STK32A: variants seen among roughly 807,000 people sequenced by gnomAD.
STK32A encodes serine/threonine-protein kinase 32A.
STK32A carries 41 observed loss-of-function variants against 53.2 expected under a neutral mutation model. The ratio of observed to expected loss-of-function variants is 0.77; its 90% CI spans 0.60 to 1.00. STK32A has a LOEUF of 1.00. STK32A is among the 50% of genes least tolerant of loss of function. The pLI is 0.00. For synonymous variants in STK32A, 166 were observed against 162.8 expected (o/e 1.02, Z -0.15); for missense variants, 458 against 485.8 (o/e 0.94, Z 0.54).
intron 6 of STK32A, among the ~76,000 whole-genome samples, chr5:147,348,089 A>C (rs1398863403): frequency 6.6e-6 from 1 of 152,188 alleles, no homozygotes; most frequent in Non-Finnish European, 1.5e-5. Flanking sequence ...AGTCTGACAA[A>C]GGGATTCTAG....
In STK32A at chr5:147,375,140, G is replaced by A. The variant is rs564690793; in HGVS notation, c.954G>A (p.Leu318=). The A allele has an allele frequency of 1.2e-5, 19 of 1,608,654 alleles. No homozygotes were observed. In the South Asian group the frequency reaches 1.9e-4, roughly 16 times the overall value. ...DPTFELEEMI[L]ESKPLHKKKK... is the part of the protein sequence containing the mutation. Reference sequence around the variant, plus strand: ...CCTTTGAACTTGAGGAAATGATTTTGGAGTCCAAACCTCTACATAAGAAAA... The same window carrying A: ...CCTTTGAACTTGAGGAAATGATTTTAGAGTCCAAACCTCTACATAAGAAAA... Residue 318 remains leucine, a synonymous_variant, in exon 11 of 13, where the codon TTG becomes TTA. Transcript: ENST00000397936.
At chr5:147,398,433 T>C in the STK32A span, among the ~76,000 whole-genome samples, 1 of 152,190 alleles carries the variant, frequency 6.6e-6, no homozygotes, top group South Asian at 2.1e-4. Flanking sequence ...ATTTTTAATC[T>C]ATAAAACGGA....
At chr5:147,395,685 C>T in the STK32A span, 18 of 1,613,964 alleles carry the variant, frequency 1.1e-5, no homozygotes, top group South Asian at 3.3e-5. Context: ...ACAGGCCCAT[C>T]GTACATGCCC....
At chr5:147,317,260 C>T (rs1163138651) in intron 4 of STK32A, among the ~76,000 whole-genome samples, 3 of 149,958 alleles carry the variant, frequency 2.0e-5, no homozygotes, top group Admixed American at 1.3e-4. Flanking sequence ...TGAAGGCAAT[C>T]GGCAAAGTCC....
chr5:147,254,488 C>T (rs1260735210), intron 2 of STK32A, among the ~76,000 whole-genome samples: 1 of 152,132 alleles, frequency 6.6e-6, no homozygotes, highest in South Asian at 2.1e-4. Context: ...GAATAGCACT[C>T]GAATATAACA....
chr5:147,324,346 G>T (rs543325323), intron 5 of STK32A, among the ~76,000 whole-genome samples: 3 of 152,116 alleles, frequency 2.0e-5, no homozygotes, highest in Non-Finnish European at 4.4e-5. Flanking sequence ...AGGAGAAAAG[G>T]TGACATATAG....
In STK32A at chr5:147,284,343, C is replaced by T. The variant is rs115129098; in HGVS notation, c.260+4945C>T. Among the ~76,000 whole-genome samples the T allele has an allele frequency of 2.2e-3, 333 of 151,976 alleles. 1 individual carries two copies. The highest frequency in any genetic ancestry group is 7.9e-3 in the African/African-American group (327 of 41,482). The stretch of plus-strand genomic sequence containing the variant: ...AACTGAACACATTCCCTCTGAGAAC[C>T]AGAATGAGACAAGTATGCCCACTCT... On this transcript the variant is annotated intron_variant, in intron 4 of 12. Coordinates refer to ENST00000397936, the MANE Select transcript of STK32A (RefSeq NM_001112724.2).
intron 4 of STK32A, among the ~76,000 whole-genome samples, chr5:147,299,673 T>C (rs1269090019): frequency 6.6e-6 from 1 of 152,138 alleles, no homozygotes; most frequent in Non-Finnish European, 1.5e-5. Flanking sequence ...AGCTTGAAAA[T>C]TGTTATCCGG....
intron 4 of STK32A, among the ~76,000 whole-genome samples, chr5:147,298,092 T>A (rs537745811): frequency 6.6e-6 from 1 of 152,280 alleles, no homozygotes; most frequent in African/African-American, 2.4e-5. Context: ...CTCTGTAGTA[T>A]CATTCTTGTT....
At chr5:147,351,754 G>A (rs575587576) in intron 7 of STK32A, among the ~76,000 whole-genome samples, 9 of 152,288 alleles carry the variant, frequency 5.9e-5, no homozygotes, top group Non-Finnish European at 1.2e-4. Flanking sequence ...GGCTGAGGCA[G>A]GAGAATCGCT....
rs1755502098 is a variant in STK32A at position 147,342,950 on chromosome 5, C to T, written c.435-56C>T. ...TTCTTAAGCCTTTTTGCCCCTACCC[C>T]TTAGTTCTGTTCGTTTTATTGTGAG... On this transcript the variant is annotated intron_variant, in intron 5 of 12. Coordinates refer to ENST00000397936, the MANE Select transcript of STK32A (RefSeq NM_001112724.2). The T allele has an allele frequency of 5.1e-6, 8 of 1,583,396 alleles. No homozygotes were observed. In the South Asian group the frequency reaches 5.5e-5, roughly 11 times the overall value.
At chr5:147,258,699 A>G (rs1754350107) in intron 2 of STK32A, among the ~76,000 whole-genome samples, 1 of 149,882 alleles carries the variant, frequency 6.7e-6, no homozygotes, top group African/African-American at 2.5e-5. Context: ...TTTTTTTTTT[A>G]AGATAATCAT....
intron 8 of STK32A, among the ~76,000 whole-genome samples, chr5:147,364,860 T>C (rs1170461273): frequency 6.6e-6 from 1 of 152,180 alleles, no homozygotes; most frequent in Non-Finnish European, 1.5e-5. Flanking sequence ...TTTAGAAATT[T>C]TGGGGGGATA....
chr5:147,398,975 C>G, the STK32A span: 1 of 1,423,946 alleles, frequency 7.0e-7, no homozygotes, highest in Non-Finnish European at 9.5e-7. Flanking sequence ...TTATTGCAAC[C>G]CGTCCTAGTC....
At chr5:147,321,862 G>A (rs1754336775) in intron 4 of STK32A, among the ~76,000 whole-genome samples, 1 of 152,096 alleles carries the variant, frequency 6.6e-6, no homozygotes, top group South Asian at 2.1e-4. Context: ...TTTATGGTTA[G>A]TACTCTCTTC....
chr5:147,359,406 T>A (rs557639664), intron 7 of STK32A, among the ~76,000 whole-genome samples: 2 of 152,182 alleles, frequency 1.3e-5, no homozygotes, highest in East Asian at 3.9e-4. Flanking sequence ...TAGAAGAGGA[T>A]GAAAAAGAAT....
At position 147,387,486 on chromosome 5, in the gene STK32A, A is replaced by T. The variant is rs1397960250; in HGVS notation, c.*3503A>T. The T allele has an allele frequency of 6.6e-6, 1 of 152,252 alleles. No homozygotes were observed. Among genetic ancestry groups the T allele is most frequent in the African/African-American group, 2.4e-5 (1 of 41,460 alleles). 9.4% of individuals were successfully genotyped at this position (152,252 alleles called of 1,614,324 possible). A position where few individuals can be genotyped will look rare whatever the true frequency, so the allele number is the denominator to read the frequency against. ...GAATAAGTAGGAAGAAAGAGTATTA[A>T]TGTAGCTAGTAGGGACCAGTGTTGC... is the stretch of plus-strand genomic sequence containing the variant. On this transcript the variant is annotated 3_prime_UTR_variant, in exon 13 of 13. Transcript: ENST00000397936.
intron 8 of STK32A, among the ~76,000 whole-genome samples, chr5:147,365,488 T>C (rs890461397): frequency 2.0e-4 from 31 of 151,874 alleles, no homozygotes; most frequent in Non-Finnish European, 1.8e-4. Flanking sequence ...TATCTCCTGA[T>C]GGGCTTTTTT....
intron 11 of STK32A, among the ~76,000 whole-genome samples, chr5:147,381,397 C>CT (rs1408729220): frequency 6.6e-6 from 1 of 152,030 alleles, no homozygotes; most frequent in Non-Finnish European, 1.5e-5. Context: ...AATCCCAGCA[C>CT]TTTGGGAGGC....
Sources: allele counts gnomAD v4.1 joint callset (sites outside exome capture counted in the v4.1 genomes callset), GRCh38; gene constraint gnomAD v4.1.1; transcripts MANE v1.5; gene names NCBI Gene and HGNC (gene_info 2026-07-23, HGNC 2026-07-21).